RNGTT: variants seen among roughly 807,000 people sequenced by gnomAD.
RNGTT encodes RNA guanylyltransferase and 5'-phosphatase.
A neutral mutation model predicts 79.3 loss-of-function variants in RNGTT; 33 were observed. The ratio of observed to expected loss-of-function variants is 0.42; its 90% CI spans 0.32 to 0.56. RNGTT has a LOEUF of 0.56. Among genes scored for constraint, RNGTT ranks in the 20% least tolerant of loss-of-function variants. RNGTT has a pLI of 0.17. For synonymous variants in RNGTT, 222 were observed against 235.9 expected (o/e 0.94, Z 0.54); for missense variants, 497 against 739.1 (o/e 0.67, Z 3.80).
intron 12 of RNGTT, among the ~76,000 whole-genome samples, chr6:88,794,059 A>C (rs1779509558): frequency 2.0e-5 from 3 of 152,198 alleles, no homozygotes. Context: ...TCATCATATG[A>C]CCATAAGAGA....
intron 12 of RNGTT, among the ~76,000 whole-genome samples, chr6:88,779,751 G>C (rs895385619): frequency 1.2e-4 from 18 of 152,196 alleles, no homozygotes; most frequent in African/African-American, 4.1e-4. Context: ...CCAGCACTTT[G>C]AGAAGCCAAG....
At chr6:88,724,870 T>C (rs1298255077) in intron 13 of RNGTT, among the ~76,000 whole-genome samples, 26 of 152,146 alleles carry the variant, frequency 1.7e-4, no homozygotes, top group Admixed American at 1.6e-3. Context: ...TCACTCTTTT[T>C]AAATTAGCCA....
intron 4 of RNGTT, among the ~76,000 whole-genome samples, chr6:88,908,292 C>A (rs894589392): frequency 7.9e-5 from 12 of 152,054 alleles, no homozygotes; most frequent in African/African-American, 2.9e-4. Flanking sequence ...TGAAAGACAT[C>A]ATTAAGAATA....
At chr6:88,856,367 T>C (rs1159463335) in intron 8 of RNGTT, among the ~76,000 whole-genome samples, 1 of 152,146 alleles carries the variant, frequency 6.6e-6, no homozygotes, top group Non-Finnish European at 1.5e-5. Context: ...ATTTTAAATT[T>C]AATGTTTAAA....
At chr6:88,645,051 G>A (rs60822220) in intron 14 of RNGTT, among the ~76,000 whole-genome samples, 3,536 of 152,228 alleles carry the variant, frequency 0.023, 155 homozygotes, top group African/African-American at 0.079. Context: ...TAGGAAAAGA[G>A]GAAGTCAAAT....
In RNGTT at chr6:88,928,167, G is replaced by A. The variant is rs146715936; in HGVS notation, c.367+818C>T. Among the ~76,000 whole-genome samples, 826 of 152,066 alleles carry A rather than the reference G, an allele frequency of 5.4e-3. 8 individuals carry two copies. Among genetic ancestry groups the A allele is most frequent in the African/African-American group, 0.019 (787 of 41,444 alleles). On this transcript the variant is annotated intron_variant, in intron 4 of 15. Transcript: ENST00000369485. ...TTCAAGGCTGCAGTGAGCCAAGATC[G>A]CAGCACTGCACTCCGGCCCGGGCGA...
intron 14 of RNGTT, among the ~76,000 whole-genome samples, chr6:88,633,675 A>G (rs1772990888): frequency 6.6e-6 from 1 of 152,178 alleles, no homozygotes; most frequent in Non-Finnish European, 1.5e-5. Flanking sequence ...AATTCTGCAT[A>G]TATATATTAA....
Position 88,844,345 on chromosome 6 carries a change from A to G in RNGTT, c.1269+12T>C, listed in dbSNP as rs1454762252. On this transcript the variant is annotated intron_variant, in intron 11 of 15. Transcript: ENST00000369485. Reference sequence around the variant, plus strand: ...ATTATTAGCACTAATTTAAAAAAAAATTAAACTTTACCTTTCTTGAAGTAC... The same window carrying G: ...ATTATTAGCACTAATTTAAAAAAAAGTTAAACTTTACCTTTCTTGAAGTAC... 6 of 1,605,180 alleles carry G rather than the reference A, an allele frequency of 3.7e-6. No individual in the cohort carries two copies. The highest frequency in any genetic ancestry group is 5.1e-6 in the Non-Finnish European group (6 of 1,176,858).
At chr6:88,831,846 C>T (rs941218864) in intron 11 of RNGTT, among the ~76,000 whole-genome samples, 7 of 152,114 alleles carry the variant, frequency 4.6e-5, no homozygotes, top group Admixed American at 2.0e-4. Context: ...ACAATTGCTA[C>T]AAAGAGAATA....
At chr6:88,828,328 C>G (rs1780739041) in intron 11 of RNGTT, among the ~76,000 whole-genome samples, 1 of 152,226 alleles carries the variant, frequency 6.6e-6, no homozygotes, top group African/African-American at 2.4e-5. Context: ...AACTAACAAA[C>G]AGAAAGGAAT....
chr6:88,732,267 A>G (rs1048641468), intron 13 of RNGTT, among the ~76,000 whole-genome samples: 1 of 152,240 alleles, frequency 6.6e-6, no homozygotes, highest in Admixed American at 6.5e-5. Context: ...ATTGCCAAGA[A>G]GCACATGAAA....
intron 14 of RNGTT, among the ~76,000 whole-genome samples, chr6:88,620,347 A>AT (rs1455056201): frequency 7.9e-5 from 12 of 152,244 alleles, no homozygotes; most frequent in Non-Finnish European, 1.6e-4. Flanking sequence ...ACTAAACTAC[A>AT]TATTTCTACC....
At chr6:88,672,256 TACAC>T (rs558697583) in intron 14 of RNGTT, among the ~76,000 whole-genome samples, 1 of 143,320 alleles carries the variant, frequency 7.0e-6, no homozygotes, top group Non-Finnish European at 1.5e-5. Context: ...CACACATATA[TACAC>T]ACACATATAT....
chr6:88,724,678 T>C (rs1385176084), intron 13 of RNGTT, among the ~76,000 whole-genome samples: 3 of 152,208 alleles, frequency 2.0e-5, no homozygotes, highest in Non-Finnish European at 2.9e-5. Context: ...TTGAGAATTG[T>C]CAGGCATGAG....
intron 13 of RNGTT, among the ~76,000 whole-genome samples, chr6:88,701,979 C>T (rs1342867128): frequency 1.3e-5 from 2 of 151,858 alleles, no homozygotes; most frequent in African/African-American, 4.8e-5. Flanking sequence ...AAAAAACACA[C>T]ACAAAAAAAC....
intron 4 of RNGTT, among the ~76,000 whole-genome samples, chr6:88,914,394 AAGGCTAC>A (rs1783930561): frequency 6.6e-6 from 1 of 152,172 alleles, no homozygotes; most frequent in Non-Finnish European, 1.5e-5. Flanking sequence ...CTATGCTAAT[AAGGCTAC>A]AGTAACCAAA....
At chr6:88,784,183 A>C (rs963962271) in intron 12 of RNGTT, among the ~76,000 whole-genome samples, 3 of 152,196 alleles carry the variant, frequency 2.0e-5, no homozygotes, top group African/African-American at 7.2e-5. Flanking sequence ...TACAAGAGAA[A>C]GTACAGTGAA....
chr6:88,712,503 C>CT (rs1264680482), intron 13 of RNGTT, among the ~76,000 whole-genome samples: 3 of 152,110 alleles, frequency 2.0e-5, no homozygotes, highest in African/African-American at 7.2e-5. Context: ...GAGATAGGGT[C>CT]TCACCATGTT....
At chr6:88,937,630 G>T (rs1437708522) in intron 2 of RNGTT, among the ~76,000 whole-genome samples, 11 of 151,338 alleles carry the variant, frequency 7.3e-5, no homozygotes, top group African/African-American at 2.7e-4. Context: ...GTTCCTTGTG[G>T]TGCATCATTA....
Sources: gnomAD v4.1 joint callset for allele counts (sites outside exome capture counted in the v4.1 genomes callset) on GRCh38, gnomAD v4.1.1 for gene constraint, MANE v1.5 for transcripts, NCBI Gene and HGNC (gene_info 2026-07-23, HGNC 2026-07-21) for gene names.